ADARB2: variants seen among roughly 807,000 people sequenced by gnomAD.
The protein encoded by ADARB2 is adenosine deaminase RNA specific B2 (inactive), also known as inactive double-stranded RNA-specific editase B2.
ADARB2 carries 25 observed loss-of-function variants against 62.2 expected under a neutral mutation model. That is an observed-to-expected ratio of 0.40 (90% CI 0.29 to 0.56). ADARB2 has a LOEUF of 0.56. Ranked by LOEUF, ADARB2 falls within the 20% of genes least tolerant of loss-of-function variation. The probability of loss-of-function intolerance (pLI) is 0.43; values close to 1 mark genes in which losing one functional copy is unlikely to be tolerated. For synonymous variants in ADARB2, 572 were observed against 500.8 expected (o/e 1.14, Z -1.90); for missense variants, 1,071 against 1,077.4 (o/e 0.99, Z 0.08).
chr10:1,695,080 C>T (rs767369373), intron 1 of ADARB2, among the ~76,000 whole-genome samples: 2 of 152,186 alleles, frequency 1.3e-5, no homozygotes, highest in South Asian at 2.1e-4. Flanking sequence ...TTTTGTGCAG[C>T]GAGGAGAATG....
Position 1,180,997 on chromosome 10 carries a change from G to A in ADARB2, c.*2196C>T, listed in dbSNP as rs1453784778. On this transcript the variant is annotated 3_prime_UTR_variant, in exon 10 of 10. Transcript: ENST00000381312. ...TCATGATGCTGGCCACTGGGTGGCC[G>A]AGCGCTTTCCGAGTCCCGTGAATCA... The A allele has an allele frequency of 7.2e-5, 11 of 152,230 alleles. No homozygotes were observed. Among genetic ancestry groups the A allele is most frequent in the African/African-American group, 2.4e-5 (1 of 41,448 alleles). The allele number at this position is 152,230 out of a possible 1,614,324, so 9.4% of individuals were successfully genotyped here.
chr10:1,334,383 G>A (rs1049268178), intron 3 of ADARB2, among the ~76,000 whole-genome samples: 3 of 152,188 alleles, frequency 2.0e-5, no homozygotes, highest in East Asian at 3.8e-4. Context: ...TGTGAGGCTC[G>A]TGGACTCCTC....
intron 3 of ADARB2, among the ~76,000 whole-genome samples, chr10:1,276,763 A>G (rs1057433301): frequency 6.6e-6 from 1 of 152,218 alleles, no homozygotes; most frequent in Admixed American, 6.5e-5. Context: ...GACCTAATAG[A>G]CATCTACAGA....
At chr10:1,720,810 C>A (rs534529934) in intron 1 of ADARB2, among the ~76,000 whole-genome samples, 19 of 152,246 alleles carry the variant, frequency 1.2e-4, no homozygotes, top group African/African-American at 3.9e-4. Context: ...CAACTAATAT[C>A]ATATGGAAAA....
Position 1,179,347 on chromosome 10 carries a change from C to T in ADARB2, c.*3846G>A, listed in dbSNP as rs147396650. 1 of 152,322 alleles carries T rather than the reference C, an allele frequency of 6.6e-6. No individual in the cohort carries two copies. Among genetic ancestry groups the T allele is most frequent in the East Asian group, 1.9e-4 (1 of 5,188 alleles). The allele number at this position is 152,322 out of a possible 1,614,324, so 9.4% of individuals were successfully genotyped here. ...TGAGGAACAGGACTCATCACAAAGT[C>T]AGCATGGTGTGATAGATATATACAG... On this transcript the variant is annotated 3_prime_UTR_variant, in exon 10 of 10. Coordinates refer to ENST00000381312, the MANE Select transcript of ADARB2 (RefSeq NM_018702.4).
At chr10:1,228,941 T>G (rs538512527) in intron 6 of ADARB2, among the ~76,000 whole-genome samples, 19 of 152,326 alleles carry the variant, frequency 1.2e-4, no homozygotes, top group Middle Eastern at 3.4e-3. Context: ...AAACCCGACC[T>G]GTGCTCAGAA....
At chr10:1,443,504 G>T (rs1430036967) in intron 1 of ADARB2, among the ~76,000 whole-genome samples, 1 of 152,030 alleles carries the variant, frequency 6.6e-6, no homozygotes, top group South Asian at 2.1e-4. Context: ...ATTTAACCAT[G>T]TCCTTCAGTT....
In ADARB2 at chr10:1,402,218, G is replaced by C. The variant is rs114111116; in HGVS notation, c.101-23058C>G. On this transcript the variant is annotated intron_variant, in intron 1 of 9. Coordinates refer to ENST00000381312, the MANE Select transcript of ADARB2 (RefSeq NM_018702.4). ...CCAGGATGAGGGGTAGGGAAGGAAG[G>C]CTGTCTCATTCTGCTCTGGTCCAAA... Among the ~76,000 whole-genome samples the C allele has an allele frequency of 8.6e-3, 1,303 of 152,308 alleles. 23 individuals carry two copies. The highest frequency in any genetic ancestry group is 0.029 in the African/African-American group (1,216 of 41,566).
chr10:1,206,096 A>G (rs918711730), intron 7 of ADARB2, among the ~76,000 whole-genome samples: 3 of 152,218 alleles, frequency 2.0e-5, no homozygotes, highest in African/African-American at 4.8e-5. Context: ...CAGGCCACAC[A>G]TATCTCATTT....
At chr10:1,227,680 G>T (rs537049771) in intron 6 of ADARB2, among the ~76,000 whole-genome samples, 1 of 152,256 alleles carries the variant, frequency 6.6e-6, no homozygotes, top group South Asian at 2.1e-4. Flanking sequence ...GGGAGCTAAA[G>T]ATTTATCTAA....
At position 1,180,851 on chromosome 10, in the gene ADARB2, T is replaced by A. The variant is rs1179078306; in HGVS notation, c.*2342A>T. On this transcript the variant is annotated 3_prime_UTR_variant, in exon 10 of 10. Transcript: ENST00000381312. The stretch of plus-strand genomic sequence containing the variant: ...GAATCCATACACTTGTACTAATGGG[T>A]AGCATGGAATTAATGTGTGGCTTTC... The A allele has an allele frequency of 6.6e-6, 1 of 152,238 alleles. No homozygotes were observed. The highest frequency in any genetic ancestry group is 1.5e-5 in the Non-Finnish European group (1 of 68,058). The allele number at this position is 152,238 out of a possible 1,614,324, so 9.4% of individuals were successfully genotyped here.
In ADARB2 at chr10:1,242,222, G is replaced by C; in HGVS notation, c.1270C>G (p.Gln424Glu). 1 of 1,605,704 alleles carries C rather than the reference G, an allele frequency of 6.2e-7. No individual in the cohort carries two copies. Among genetic ancestry groups the C allele is most frequent in the East Asian group, 2.2e-5 (1 of 44,504 alleles). ...TGGCAGTCATTCACCACCAGCCCCT[G>C]GTCACTGAGGTGCTCGCCGCTGATG... ...KCISGEHLSD[Q>E]GLVVNDCHAE... is the part of the protein sequence containing the mutation. Residue 424 changes from glutamine to glutamate, a missense_variant, in exon 5 of 10, where the codon CAG (glutamine) becomes GAG (glutamate). Transcript: ENST00000381312.
At chr10:1,571,563 C>T (rs188895665) in intron 1 of ADARB2, among the ~76,000 whole-genome samples, 21 of 152,312 alleles carry the variant, frequency 1.4e-4, no homozygotes, top group East Asian at 1.2e-3. Flanking sequence ...AAGCCAGATA[C>T]GTGGGTATCA....
intron 4 of ADARB2, among the ~76,000 whole-genome samples, chr10:1,270,158 C>T (rs559623117): frequency 5.3e-5 from 8 of 152,282 alleles, no homozygotes; most frequent in South Asian, 2.1e-4. Context: ...GCTGGCCCAG[C>T]GTGGCTGAGA....
At chr10:1,226,168 C>T (rs931044798) in intron 6 of ADARB2, among the ~76,000 whole-genome samples, 11 of 152,118 alleles carry the variant, frequency 7.2e-5, no homozygotes, top group African/African-American at 2.7e-4. Context: ...TTTGATCTTC[C>T]ATCACTGATA....
chr10:1,378,549 G>A (rs937344406), intron 2 of ADARB2, among the ~76,000 whole-genome samples: 2 of 152,040 alleles, frequency 1.3e-5, no homozygotes, highest in East Asian at 1.9e-4. Flanking sequence ...CTGCAGGTGC[G>A]GGTAAGGTTC....
Position 1,468,497 on chromosome 10 carries a change from C to T in ADARB2, c.101-89337G>A, listed in dbSNP as rs1325332439. 3.3e-5 allele frequency among the ~76,000 whole-genome samples: 5 copies of T among 152,232 alleles called. No individual in the cohort carries two copies. The South Asian group carries it at 6.2e-4, about 19-fold the overall frequency. On this transcript the variant is annotated intron_variant, in intron 1 of 9. Coordinates refer to ENST00000381312, the MANE Select transcript of ADARB2 (RefSeq NM_018702.4). ...CACAGATCCGGCTGTGGTGCAGCTT[C>T]GTGGCTATCTCACAGGTCACAGTGT...
intron 1 of ADARB2, among the ~76,000 whole-genome samples, chr10:1,567,953 G>A (rs978068388): frequency 5.3e-5 from 8 of 152,208 alleles, no homozygotes; most frequent in Non-Finnish European, 1.0e-4. Flanking sequence ...AGACACCGTT[G>A]ATGGCACGGC....
At chr10:1,709,679 T>G (rs372133126) in intron 1 of ADARB2, among the ~76,000 whole-genome samples, 230 of 152,338 alleles carry the variant, frequency 1.5e-3, no homozygotes, top group African/African-American at 4.8e-3. Context: ...CAAAGAGTGC[T>G]AGTGGGAGAG....
Sources: gnomAD v4.1 joint callset for allele counts (sites outside exome capture counted in the v4.1 genomes callset) on GRCh38, gnomAD v4.1.1 for gene constraint, MANE v1.5 for transcripts, NCBI Gene and HGNC (gene_info 2026-07-23, HGNC 2026-07-21) for gene names.